DOCK6: variants seen among roughly 807,000 people sequenced by gnomAD.
DOCK6 encodes dedicator of cytokinesis protein 6.
In DOCK6, 167 loss-of-function variants were observed where a neutral mutation model predicts 230.3. The observed-to-expected ratio is 0.73, with a 90% confidence interval of 0.64 to 0.82. The LOEUF (loss-of-function observed/expected upper bound fraction) is 0.82. Ranked by LOEUF, DOCK6 falls within the 40% of genes least tolerant of loss-of-function variation. The probability of loss-of-function intolerance (pLI) is 0.00; values close to 1 mark genes in which losing one functional copy is unlikely to be tolerated. For missense variants in DOCK6, 2,598 were observed against 2,825.8 expected (o/e 0.92, Z 1.83); for synonymous variants, 1,148 against 1,185.0 (o/e 0.97, Z 0.64).
chr19:11,227,324 C>T lies in DOCK6; in HGVS notation c.2955+13G>A, dbSNP rs749340192. ...TCAGGTTTCTTCCCACATTGAGACC[C>T]TGCATCTCTCACCTTGTGGACACGG... On this transcript the variant is annotated intron_variant, in intron 24 of 47. Transcript: ENST00000294618. 1 of 1,613,106 alleles carries T rather than the reference C, an allele frequency of 6.2e-7. No homozygotes were observed. Among genetic ancestry groups the T allele is most frequent in the East Asian group, 2.2e-5 (1 of 44,858 alleles).
chr19:11,241,971 T>A, intron 14 of DOCK6, 74 bp downstream of exon 14: 1 of 1,499,822 alleles, frequency 6.7e-7, no homozygotes, highest in Non-Finnish European at 8.9e-7. Flanking sequence ...TGTCCTTGGC[T>A]TAGGGAGACC....
At chr19:11,252,624 A>G (rs2080136001) in intron 3 of DOCK6, 74 bp from the exon 4 acceptor site, 1 of 1,604,234 alleles carries the variant, frequency 6.2e-7, no homozygotes, top group Non-Finnish European at 8.5e-7. Context: ...TAAGGTTAGC[A>G]CTGTCCTGCC....
At chr19:11,261,230 T>A (rs2147903960) in intron 1 of DOCK6, among the ~76,000 whole-genome samples, 1 of 151,706 alleles carries the variant, frequency 6.6e-6, no homozygotes, top group African/African-American at 2.4e-5. Context: ...TCCCACTCTT[T>A]CCCCCCACAA....
chr19:11,243,984 TC>T lies in DOCK6; in HGVS notation c.1024-103del, dbSNP rs2079993259. ...GGACCCCTCATGGGCCCTCGGACACTCCTAACATATGAAGGCCTTTGCTCCA... is the reference window on the plus strand; with the variant it reads ...GGACCCCTCATGGGCCCTCGGACACTCTAACATATGAAGGCCTTTGCTCCA... On this transcript the variant is annotated intron_variant, in intron 9 of 47. Coordinates refer to ENST00000294618, the MANE Select transcript of DOCK6 (RefSeq NM_020812.4). This position sits in a 1 kb window ranked among gnomAD's most constrained non-coding sequence, Gnocchi z 6.3. 3.9e-6 allele frequency: 5 copies of T among 1,272,808 alleles called. No individual in the cohort carries two copies. In the Admixed American group the frequency reaches 8.0e-5, roughly 20 times the overall value. 78.8% of individuals were successfully genotyped at this position (1,272,808 alleles called of 1,614,324 possible).
At chr19:11,245,923 C>A (rs1381684436) in intron 7 of DOCK6, 45 bp from the exon 8 acceptor site, 33 of 1,549,912 alleles carry the variant, frequency 2.1e-5, no homozygotes, top group Non-Finnish European at 2.9e-5. Flanking sequence ...ACACTTCCCG[C>A]TGTCCACACA....
intron 6 of DOCK6, among the ~76,000 whole-genome samples, chr19:11,249,880 A>G (rs2080090152): frequency 7.1e-6 from 1 of 141,460 alleles, no homozygotes; most frequent in African/African-American, 2.6e-5. Context: ...CCTGGGCGAC[A>G]AGAGCGAGAC....
In DOCK6 at chr19:11,204,095, T is replaced by C; in HGVS notation, c.5221A>G (p.Ser1741Gly). Residue 1741 changes from serine (S) to glycine (G), a missense_variant and splice_region_variant, in exon 41 of 48, where the codon AGT (serine) becomes GGT (glycine). Coordinates refer to ENST00000294618, the MANE Select transcript of DOCK6 (RefSeq NM_020812.4). ...QEAFTKIMHQ[S>G]SGWERVFGTY... Reference sequence around the variant, plus strand: ...GGCTGACTCACCTCCCAGCCGGAACTCTGTGGGGAAGAGAAGGGTCAAGGT... The same window carrying C: ...GGCTGACTCACCTCCCAGCCGGAACCCTGTGGGGAAGAGAAGGGTCAAGGT... 1 of 1,548,514 alleles carries C rather than the reference T, an allele frequency of 6.5e-7. No individual in the cohort carries two copies. Among genetic ancestry groups the C allele is most frequent in the Non-Finnish European group, 8.7e-7 (1 of 1,145,988 alleles).
intron 14 of DOCK6, among the ~76,000 whole-genome samples, chr19:11,239,339 T>C (rs1451309691): frequency 6.6e-6 from 1 of 152,234 alleles, no homozygotes; most frequent in Non-Finnish European, 1.5e-5. Flanking sequence ...ATCATTGCGA[T>C]GCCTATTCAT....
At chr19:11,227,728 T>C in intron 23 of DOCK6, among the ~76,000 whole-genome samples, 1 of 151,910 alleles carries the variant, frequency 6.6e-6, no homozygotes, top group East Asian at 1.9e-4. Context: ...GTGGGGCTTG[T>C]GACCTATGGA....
At position 11,253,659 on chromosome 19, in the gene DOCK6, G is replaced by C; in HGVS notation, c.112C>G (p.Arg38Gly). 1 of 1,453,226 alleles carries C rather than the reference G, an allele frequency of 6.9e-7. No homozygotes were observed. Among genetic ancestry groups the C allele is most frequent in the Non-Finnish European group, 9.0e-7 (1 of 1,108,670 alleles). The allele number at this position is 1,453,226 out of a possible 1,614,324, so 90.0% of individuals were successfully genotyped here. A position where few individuals can be genotyped will look rare whatever the true frequency, so the allele number is the denominator to read the frequency against. Residue 38 changes from arginine to glycine, a missense_variant, in exon 2 of 48, where the codon CGC (arginine) becomes GGC (glycine). Physicochemically the swap from Arg to Gly is moderately radical, Grantham distance 125. Transcript: ENST00000294618. The stretch of plus-strand genomic sequence containing the variant: ...CTTACCCCCAGGGAGCTGCTGCAGC[G>C]CCTGCTGGAGTGGGGGGAGCCACTG... ...ERSGSPHSSR[R>G]CSSSLGVPLT...
In DOCK6 at chr19:11,209,041, C is replaced by G; in HGVS notation, c.4814G>C (p.Gly1605Ala). 6.2e-7 allele frequency: 1 copy of G among 1,612,254 alleles called. No homozygotes were observed. Among genetic ancestry groups the G allele is most frequent in the Non-Finnish European group, 8.5e-7 (1 of 1,179,428 alleles). ...LRLTWLQNMA[G>A]KHAELGNHAE... ...GTGGTTGCCCAGCTCCGCGTGCTTCCCGGCCATGTTCTGCAACCAGGTCAG... is the reference window on the plus strand; with the variant it reads ...GTGGTTGCCCAGCTCCGCGTGCTTCGCGGCCATGTTCTGCAACCAGGTCAG... Residue 1605 changes from glycine to alanine, a missense_variant, in exon 38 of 48, where the codon GGG becomes GCG. Coordinates refer to ENST00000294618, the MANE Select transcript of DOCK6 (RefSeq NM_020812.4).
At position 11,237,481 on chromosome 19, in the gene DOCK6, G is replaced by A; in HGVS notation, c.2048C>T (p.Pro683Leu). Reference sequence around the variant, plus strand: ...ATCGGGTGTGAGCACGGAATAGCTGGGCGGCGGCTGGTCCACAGACACTGG... The same window carrying A: ...ATCGGGTGTGAGCACGGAATAGCTGAGCGGCGGCTGGTCCACAGACACTGG... ...CLPVSVDQPPPSYSVLTPDVA... is the reference protein window; with the variant it reads ...CLPVSVDQPPLSYSVLTPDVA... The change falls in exon 18 of 48, where the codon CCC becomes CTC. Residue 683 changes from proline (P) to leucine (L), a missense_variant. By Grantham distance (98) the Pro-to-Leu change is moderately conservative. Coordinates refer to ENST00000294618, the MANE Select transcript of DOCK6 (RefSeq NM_020812.4). 2 of 1,613,602 alleles carry A rather than the reference G, an allele frequency of 1.2e-6. No individual in the cohort carries two copies. The highest frequency in any genetic ancestry group is 1.7e-6 in the Non-Finnish European group (2 of 1,179,832).
intron 1 of DOCK6, among the ~76,000 whole-genome samples, chr19:11,254,529 A>G (rs1421006552): frequency 6.6e-6 from 1 of 152,196 alleles, no homozygotes; most frequent in Non-Finnish European, 1.5e-5. Flanking sequence ...CCCTGCCTCT[A>G]CTAAAAGTAC....
At chr19:11,248,489 C>T (rs1316829377) in intron 6 of DOCK6, among the ~76,000 whole-genome samples, 3 of 151,890 alleles carry the variant, frequency 2.0e-5, no homozygotes, top group African/African-American at 7.3e-5. Context: ...TGGCTCACTG[C>T]AACCTCTGCC....
intron 39 of DOCK6, among the ~76,000 whole-genome samples, chr19:11,204,949 A>G (rs1055817513): frequency 2.6e-5 from 4 of 151,732 alleles, no homozygotes; most frequent in Admixed American, 6.6e-5. Flanking sequence ...TTTTTTTCCT[A>G]TTCCTCAAAG....
chr19:11,213,380 CAG>C (rs1358103812), intron 34 of DOCK6, 52 bp from the exon 35 acceptor site: 5 of 1,574,556 alleles, frequency 3.2e-6, no homozygotes, highest in Non-Finnish European at 4.3e-6. Context: ...CGTTCTGGCT[CAG>C]AAGGGGACTG....
At chr19:11,257,075 C>T (rs1272040969) in intron 1 of DOCK6, among the ~76,000 whole-genome samples, 2 of 152,066 alleles carry the variant, frequency 1.3e-5, no homozygotes, top group African/African-American at 4.8e-5. Context: ...CAGCCTCAAC[C>T]TCCTGGGTTC....
chr19:11,239,706 C>T, intron 14 of DOCK6: 1 of 1,613,674 alleles, frequency 6.2e-7, no homozygotes, highest in Non-Finnish European at 8.5e-7. Context: ...CAGCGGCCCC[C>T]ATGGGCGGCC....
In DOCK6 at chr19:11,236,628, AC is replaced by A; in HGVS notation, c.2161-52del. The A allele has an allele frequency of 2.0e-6, 3 of 1,519,742 alleles. No individual in the cohort carries two copies. Among genetic ancestry groups the A allele is most frequent in the Non-Finnish European group, 2.7e-6 (3 of 1,120,454 alleles). The allele number at this position is 1,519,742 out of a possible 1,614,324, so 94.1% of individuals were successfully genotyped here. A position where few individuals can be genotyped will look rare whatever the true frequency, so the allele number is the denominator to read the frequency against. On this transcript the variant is annotated intron_variant, in intron 19 of 47. Coordinates refer to ENST00000294618, the MANE Select transcript of DOCK6 (RefSeq NM_020812.4). The surrounding 1 kb of genome is among the most constrained non-coding windows in gnomAD (Gnocchi z 5.2). ...GGTGGGGCCTCAGGGAATGAAGACC[AC>A]CCCTGCCTGAATCAGCAGCTTCCCT... is the stretch of plus-strand genomic sequence containing the variant.
Sources: gnomAD v4.1 joint callset for allele counts (sites outside exome capture counted in the v4.1 genomes callset) on GRCh38, gnomAD v4.1.1 for gene constraint, Gnocchi (gnomAD v3.1) non-coding constraint, MANE v1.5 for transcripts, NCBI Gene and HGNC (gene_info 2026-07-23, HGNC 2026-07-21) for gene names.